Variants in FAM76B observed in about 807,000 individuals in gnomAD.
The protein encoded by FAM76B is protein FAM76B.
In FAM76B, 16 loss-of-function variants were observed where a neutral mutation model predicts 51.8. That is an observed-to-expected ratio of 0.31 (90% CI 0.21 to 0.47). FAM76B has a LOEUF of 0.47. Ranked by LOEUF, FAM76B falls within the 20% of genes least tolerant of loss-of-function variation. FAM76B has a pLI of 1.00. For synonymous variants in FAM76B, 166 were observed against 129.5 expected (o/e 1.28, Z -1.91); for missense variants, 342 against 392.6 (o/e 0.87, Z 1.09).
chr11:95,785,853 G>C (rs896039720), intron 4 of FAM76B, among the ~76,000 whole-genome samples: 3 of 152,130 alleles, frequency 2.0e-5, no homozygotes, highest in African/African-American at 7.2e-5. Flanking sequence ...AGATATTTAA[G>C]CAATTAGTTA....
intron 8 of FAM76B, among the ~76,000 whole-genome samples, chr11:95,778,046 C>T (rs1241123846): frequency 6.6e-6 from 1 of 151,386 alleles, no homozygotes. Flanking sequence ...TATTAATGCT[C>T]TCATTTAAAT....
chr11:95,774,749 G>A (rs1400409159), intron 9 of FAM76B, among the ~76,000 whole-genome samples: 2 of 151,294 alleles, frequency 1.3e-5, no homozygotes, highest in African/African-American at 4.8e-5. Flanking sequence ...TCTCAGAACA[G>A]AGGGCTGATG....
chr11:95,786,385 T>G (rs1860590617), intron 3 of FAM76B, 111 bp from the exon 4 acceptor site: 7 of 1,374,684 alleles, frequency 5.1e-6, no homozygotes, highest in African/African-American at 1.5e-5. Flanking sequence ...AGGTAAAAAA[T>G]TTGTTTTCTG....
intron 4 of FAM76B, among the ~76,000 whole-genome samples, chr11:95,783,549 G>A (rs182436240): frequency 1.3e-3 from 191 of 152,186 alleles, no homozygotes; most frequent in African/African-American, 4.4e-3. Context: ...CTTATTCCAG[G>A]AGAATAAGCA....
chr11:95,774,230 T>G (rs1439065676), intron 9 of FAM76B, among the ~76,000 whole-genome samples: 4 of 151,416 alleles, frequency 2.6e-5, no homozygotes, highest in African/African-American at 9.7e-5. Flanking sequence ...CACCGCTTAC[T>G]GTGTGATCAC....
At chr11:95,780,008 C>G (rs1487045780) in intron 5 of FAM76B, 82 bp from the exon 6 acceptor site, 1 of 1,275,068 alleles carries the variant, frequency 7.8e-7, no homozygotes, top group Admixed American at 2.2e-5. Flanking sequence ...TCAATGGATA[C>G]AAATTTTATG....
At position 95,775,910 on chromosome 11, in the gene FAM76B, G is replaced by GATGGTAGTT; in HGVS notation, c.930+3_930+11dup. On this transcript the variant is annotated intron_variant, in intron 9 of 9. Transcript: ENST00000358780. ...TTCTTGCCTATCATTTTACGTAAAT[G>GATGGTAGTT]ATGGTAGTTACCTGAAGTTGTTCCA... 10 of 1,523,906 alleles carry GATGGTAGTT rather than the reference G, an allele frequency of 6.6e-6. No homozygotes were observed. Among genetic ancestry groups the GATGGTAGTT allele is most frequent in the Non-Finnish European group, 8.8e-6 (10 of 1,130,270 alleles). 94.4% of individuals were successfully genotyped at this position (1,523,906 alleles called of 1,614,324 possible).
chr11:95,788,972 C>T, intron 1 of FAM76B: 1 of 1,347,656 alleles, frequency 7.4e-7, no homozygotes, highest in Non-Finnish European at 9.7e-7. Context: ...AGGATGCCAT[C>T]AGCTTTGCGG....
chr11:95,781,710 A>C (rs960820520), intron 5 of FAM76B, among the ~76,000 whole-genome samples: 7 of 152,150 alleles, frequency 4.6e-5, no homozygotes, highest in Admixed American at 2.0e-4. Flanking sequence ...AAAACAAGGT[A>C]GACTTATATT....
At chr11:95,782,199 G>A (rs984566214) in intron 5 of FAM76B, among the ~76,000 whole-genome samples, 2 of 151,972 alleles carry the variant, frequency 1.3e-5, no homozygotes, top group Non-Finnish European at 2.9e-5. Context: ...CACACATCAA[G>A]GGTTAAGGTA....
chr11:95,786,850 T>C (rs1180550061), intron 3 of FAM76B: 1 of 152,334 alleles, frequency 6.6e-6, no homozygotes, highest in African/African-American at 2.4e-5. Flanking sequence ...AAAGTTAGCA[T>C]TTTTGACCAA....
chr11:95,780,072 TAC>T, intron 5 of FAM76B, 146 bp from the exon 6 acceptor site: 1 of 630,776 alleles, frequency 1.6e-6, no homozygotes, highest in Admixed American at 3.4e-5. Flanking sequence ...ACTAAGCTAA[TAC>T]ATATTGAATA....
At chr11:95,782,201 G>A (rs575926117) in intron 5 of FAM76B, among the ~76,000 whole-genome samples, 2 of 152,112 alleles carry the variant, frequency 1.3e-5, no homozygotes, top group African/African-American at 2.4e-5. Flanking sequence ...CACATCAAGG[G>A]TTAAGGTACT....
In FAM76B at chr11:95,771,283, A is replaced by C. The variant is rs1859754202; in HGVS notation, c.*278T>G. 8.6e-6 allele frequency: 2 copies of C among 232,738 alleles called. No individual in the cohort carries two copies. The highest frequency in any genetic ancestry group is 1.7e-5 in the Non-Finnish European group (2 of 117,086). 14.4% of individuals were successfully genotyped at this position (232,738 alleles called of 1,614,324 possible). A position where few individuals can be genotyped will look rare whatever the true frequency, so the allele number is the denominator to read the frequency against. Reference sequence around the variant, plus strand: ...TTGCATGTTGCGTTTCATAAAGAGCACTACTCATGCACTCCTTTACAACTG... The same window carrying C: ...TTGCATGTTGCGTTTCATAAAGAGCCCTACTCATGCACTCCTTTACAACTG... On this transcript the variant is annotated 3_prime_UTR_variant, in exon 10 of 10. Coordinates refer to ENST00000358780, the MANE Select transcript of FAM76B (RefSeq NM_144664.5).
chr11:95,788,892 G>A (rs1860778274), intron 1 of FAM76B: 1 of 1,361,614 alleles, frequency 7.3e-7, no homozygotes, highest in Non-Finnish European at 9.6e-7. Context: ...GCTTTAATGG[G>A]ATGGGAGGAG....
chr11:95,779,976 C>T lies in FAM76B; in HGVS notation c.564-50G>A, dbSNP rs187103216. On this transcript the variant is annotated intron_variant, in intron 5 of 9. Transcript: ENST00000358780. ...AATAATGACATTTATTTATTTAATA[C>T]ATCTAAATTTAACATTCTTTCTCAA... 1.2e-4 allele frequency: 179 copies of T among 1,480,230 alleles called. No individual in the cohort carries two copies. The African/African-American group carries it at 2.3e-3, about 19-fold the overall frequency. The allele number at this position is 1,480,230 out of a possible 1,614,324, so 91.7% of individuals were successfully genotyped here.
intron 5 of FAM76B, among the ~76,000 whole-genome samples, chr11:95,781,810 G>A (rs2120251409): frequency 6.6e-6 from 1 of 151,970 alleles, no homozygotes; most frequent in Admixed American, 6.6e-5. Flanking sequence ...GTCTACCACT[G>A]CCACATTTAG....
In FAM76B at chr11:95,772,997, A is replaced by G. The variant is rs529038278; in HGVS notation, c.931-1347T>C. ...AACGAAAAACTTCAATTTCAAATTC[A>G]GTATCAATTTCAAATTTTGAGTCTG... On this transcript the variant is annotated intron_variant, in intron 9 of 9. Coordinates refer to ENST00000358780, the MANE Select transcript of FAM76B (RefSeq NM_144664.5). 3.4e-4 allele frequency among the ~76,000 whole-genome samples: 51 copies of G among 151,322 alleles called. 1 individual carries two copies. In the East Asian group the frequency reaches 9.7e-3, roughly 29 times the overall value.
At chr11:95,784,427 C>T (rs944898006) in intron 4 of FAM76B, among the ~76,000 whole-genome samples, 1 of 151,928 alleles carries the variant, frequency 6.6e-6, no homozygotes, top group African/African-American at 2.4e-5. Flanking sequence ...ACATGTACCC[C>T]TGAACTTAAA....
Sources: allele counts gnomAD v4.1 joint callset (sites outside exome capture counted in the v4.1 genomes callset), GRCh38; gene constraint gnomAD v4.1.1; transcripts MANE v1.5; gene names NCBI Gene and HGNC (gene_info 2026-07-23, HGNC 2026-07-21).